The following TEKT1 variants were observed in gnomAD, a reference collection of about 807,000 sequenced individuals.
TEKT1 encodes the protein tektin 1.
A neutral mutation model predicts 34.8 loss-of-function variants in TEKT1; 32 were observed. The ratio of observed to expected loss-of-function variants is 0.92; its 90% confidence interval spans 0.69 to 1.23. TEKT1 has a LOEUF of 1.23. Among genes scored for constraint, TEKT1 ranks in the 50% most tolerant of loss-of-function variants. TEKT1 has a pLI of 0.00. For synonymous variants in TEKT1, 207 were observed against 199.8 expected (o/e 1.04, Z -0.30); for missense variants, 492 against 518.5 (o/e 0.95, Z 0.50).
chr17:6,821,208 C>T (rs1858294389), intron 2 of TEKT1, among the ~76,000 whole-genome samples: 1 of 152,150 alleles, frequency 6.6e-6, no homozygotes, highest in Admixed American at 6.5e-5. Flanking sequence ...CTCTGTGTCC[C>T]CACCCAAATC....
At chr17:6,810,958 G>A (rs192324174) in intron 6 of TEKT1, among the ~76,000 whole-genome samples, 18 of 152,190 alleles carry the variant, frequency 1.2e-4, no homozygotes, top group Admixed American at 8.5e-4. Context: ...CAGGCTAGTC[G>A]TGAACTCCTG....
rs3744395 is a variant in TEKT1 at position 6,812,923 on chromosome 17, G to A, written c.760C>T (p.Arg254Cys). The A allele has an allele frequency of 0.21, 340,472 of 1,613,926 alleles. 38,210 individuals carry two copies. Among genetic ancestry groups the A allele is most frequent in the East Asian group, 0.45 (20,389 of 44,864 alleles). The change falls in exon 6 of 8, where the codon CGC (arginine) becomes TGC (cysteine). Residue 254 changes from arginine (R) to cysteine (C), a missense_variant. Arg to Cys is a radical substitution (Grantham distance 180). Coordinates refer to ENST00000338694, the MANE Select transcript of TEKT1 (RefSeq NM_053285.2). ...RILSQTANDLRKQCDVVDTAF... is the reference protein window; with the variant it reads ...RILSQTANDLCKQCDVVDTAF... ...GTGTCCACCACATCACACTGCTTGC[G>A]CAGATCATTGGCTGTCTGGGACAGG...
chr17:6,831,408 C>T (rs1904570726), intron 1 of TEKT1, among the ~76,000 whole-genome samples: 1 of 152,150 alleles, frequency 6.6e-6, no homozygotes, highest in East Asian at 1.9e-4. Context: ...CCTCAGCCCA[C>T]CCAGCCCCCT....
chr17:6,801,375 G>T (rs1976770139), intron 6 of TEKT1, among the ~76,000 whole-genome samples: 1 of 152,206 alleles, frequency 6.6e-6, no homozygotes, highest in Non-Finnish European at 1.5e-5. Flanking sequence ...TTGGGTCTGA[G>T]TTTGGTTGTT....
Position 6,819,184 on chromosome 17 carries a change from C to A in TEKT1, c.356+9G>T, listed in dbSNP as rs748954100. The A allele has an allele frequency of 6.2e-7, 1 of 1,608,224 alleles. No homozygotes were observed. Among genetic ancestry groups the A allele is most frequent in the Admixed American group, 1.7e-5 (1 of 58,720 alleles). On this transcript the variant is annotated intron_variant, in intron 3 of 7. Coordinates refer to ENST00000338694, the MANE Select transcript of TEKT1 (RefSeq NM_053285.2). ...ACACATGAATCATTTGAGGGACCTT[C>A]GCTCCTACCTGTATGCCAGGCATGT...
intron 6 of TEKT1, among the ~76,000 whole-genome samples, chr17:6,806,249 G>T (rs1024145299): frequency 6.6e-6 from 1 of 152,084 alleles, no homozygotes; most frequent in Non-Finnish European, 1.5e-5. Context: ...TTTGATCTTT[G>T]TTGGTTTAAA....
At chr17:6,823,002 T>C (rs1308355662) in intron 2 of TEKT1, among the ~76,000 whole-genome samples, 1 of 152,230 alleles carries the variant, frequency 6.6e-6, no homozygotes, top group Non-Finnish European at 1.5e-5. Context: ...TTCTACTTTC[T>C]CCACAGAAAA....
chr17:6,798,198 G>A lies in TEKT1; in HGVS notation c.*1829C>T, dbSNP rs896645077. 6.6e-6 allele frequency: 1 copy of A among 152,192 alleles called. No homozygotes were observed. Among genetic ancestry groups the A allele is most frequent in the African/African-American group, 2.4e-5 (1 of 41,456 alleles). 9.4% of individuals were successfully genotyped at this position (152,192 alleles called of 1,614,324 possible). A position where few individuals can be genotyped will look rare whatever the true frequency, so the allele number is the denominator to read the frequency against. ...TTACAGATTAGGCAACTGAAGCTCG[G>A]GGAAGTTGAGTAACTTGGCGGGGAT... On this transcript the variant is annotated 3_prime_UTR_variant, in exon 8 of 8. Coordinates refer to ENST00000338694, the MANE Select transcript of TEKT1 (RefSeq NM_053285.2).
rs181562572 is a variant in TEKT1 at position 6,811,903 on chromosome 17, G to A, written c.852+928C>T. On this transcript the variant is annotated intron_variant, in intron 6 of 7. Coordinates refer to ENST00000338694, the MANE Select transcript of TEKT1 (RefSeq NM_053285.2). The surrounding 1 kb of genome is among the most constrained non-coding windows in gnomAD (Gnocchi z 4.4). ...AGGACCCTAATCTGTAGAATTTGCCGATATCTGTGGTACAAATGCTCCCAC... is the reference window on the plus strand; with the variant it reads ...AGGACCCTAATCTGTAGAATTTGCCAATATCTGTGGTACAAATGCTCCCAC... Among the ~76,000 whole-genome samples, 748 of 152,230 alleles carry A rather than the reference G, an allele frequency of 4.9e-3. 3 individuals carry two copies. The highest frequency in any genetic ancestry group is 0.017 in the Middle Eastern group (5 of 294).
chr17:6,830,974 G>A (rs182993573), intron 1 of TEKT1, among the ~76,000 whole-genome samples: 1 of 151,958 alleles, frequency 6.6e-6, no homozygotes, highest in East Asian at 1.9e-4. Context: ...CCAAACAGAT[G>A]AGCCCAGAGA....
chr17:6,828,736 A>G (rs2151593103), intron 2 of TEKT1, among the ~76,000 whole-genome samples: 1 of 152,134 alleles, frequency 6.6e-6, no homozygotes, highest in South Asian at 2.1e-4. Context: ...CCTTTTTGGC[A>G]TTTAGCCGAC....
chr17:6,800,844 C>T lies in TEKT1; in HGVS notation c.952G>A (p.Glu318Lys). The T allele has an allele frequency of 1.2e-6, 2 of 1,614,156 alleles. No individual in the cohort carries two copies. The highest frequency in any genetic ancestry group is 1.7e-6 in the Non-Finnish European group (2 of 1,180,026). The change falls in exon 7 of 8, where the codon GAG (glutamate) becomes AAG (lysine). Residue 318 changes from glutamate to lysine, a missense_variant. By Grantham distance (56) the Glu-to-Lys change is moderately conservative. Coordinates refer to ENST00000338694, the MANE Select transcript of TEKT1 (RefSeq NM_053285.2). The part of the protein sequence containing the change: ...GPAKVAHTRL[E>K]TRTHRPNVEL... ...ACGTTCGGCCGGTGTGTCCTGGTCTCCAAGCGCGTATGAGCCACCTTGGCT... is the reference window on the plus strand; with the variant it reads ...ACGTTCGGCCGGTGTGTCCTGGTCTTCAAGCGCGTATGAGCCACCTTGGCT...
chr17:6,802,507 G>A (rs939229160), intron 6 of TEKT1, among the ~76,000 whole-genome samples: 1 of 149,620 alleles, frequency 6.7e-6, no homozygotes, highest in African/African-American at 2.5e-5. Context: ...TATACTTTAA[G>A]TTTTAGGGTA....
At chr17:6,821,207 C>T (rs1977084706) in intron 2 of TEKT1, among the ~76,000 whole-genome samples, 1 of 152,042 alleles carries the variant, frequency 6.6e-6, no homozygotes, top group Admixed American at 6.5e-5. Flanking sequence ...GCTCTGTGTC[C>T]CCACCCAAAT....
intron 2 of TEKT1, among the ~76,000 whole-genome samples, chr17:6,820,779 TC>T (rs1184769790): frequency 6.6e-6 from 1 of 152,208 alleles, no homozygotes; most frequent in Non-Finnish European, 1.5e-5. Flanking sequence ...CTGTCCCGTT[TC>T]CTGGATTGTA....
chr17:6,803,761 G>T (rs1249409160), intron 6 of TEKT1, among the ~76,000 whole-genome samples: 1 of 152,246 alleles, frequency 6.6e-6, no homozygotes, highest in African/African-American at 2.4e-5. Context: ...TCAAAGATCA[G>T]ATGGTTGTAG....
chr17:6,826,709 T>C (rs1904413406), intron 2 of TEKT1, among the ~76,000 whole-genome samples: 1 of 151,728 alleles, frequency 6.6e-6, no homozygotes, highest in Admixed American at 6.6e-5. Context: ...ATTTTTTTTT[T>C]TTTTGCGACG....
chr17:6,815,058 A>G, intron 5 of TEKT1, 105 bp downstream of exon 5: 1 of 1,432,928 alleles, frequency 7.0e-7, no homozygotes. Flanking sequence ...CCCCAAGCCC[A>G]CCACTTCCAA....
At chr17:6,819,874 G>A (rs1977061979) in intron 2 of TEKT1, among the ~76,000 whole-genome samples, 1 of 152,148 alleles carries the variant, frequency 6.6e-6, no homozygotes, top group African/African-American at 2.4e-5. Flanking sequence ...TTTTTTAGTA[G>A]AGACTGGGTT....
Sources: gnomAD v4.1 joint callset for allele counts (sites outside exome capture counted in the v4.1 genomes callset) on GRCh38, gnomAD v4.1.1 for gene constraint, Gnocchi (gnomAD v3.1) non-coding constraint, MANE v1.5 for transcripts, NCBI Gene and HGNC (gene_info 2026-07-23, HGNC 2026-07-21) for gene names.